GLMN: variants seen among roughly 807,000 people sequenced by gnomAD.
GLMN encodes the protein glomulin, FKBP associated protein, also known as glomulin.
A neutral mutation model predicts 87.8 loss-of-function variants in GLMN; 75 were observed. The ratio of observed to expected loss-of-function variants is 0.85; its 90% CI spans 0.71 to 1.04. The LOEUF is 1.04. Among genes scored for constraint, GLMN ranks in the 50% least tolerant of loss-of-function variants. The pLI is 0.00. For missense variants in GLMN, 588 were observed against 658.8 expected (o/e 0.89, Z 1.18); for synonymous variants, 206 against 221.6 (o/e 0.93, Z 0.63).
intron 16 of GLMN, among the ~76,000 whole-genome samples, chr1:92,251,040 C>T (rs139936374): frequency 6.6e-6 from 1 of 152,166 alleles, no homozygotes; most frequent in African/African-American, 2.4e-5. Context: ...GTAATTTTTG[C>T]CTTTTCCAGA....
At chr1:92,260,484 G>A (rs763301387) in intron 16 of GLMN, among the ~76,000 whole-genome samples, 12 of 151,926 alleles carry the variant, frequency 7.9e-5, no homozygotes, top group Non-Finnish European at 1.3e-4. Context: ...GTGTGGTGGT[G>A]CCTGGCTGTA....
the GLMN span, chr1:92,303,997 T>C: frequency 6.2e-7 from 1 of 1,610,968 alleles, no homozygotes. Flanking sequence ...TTACACCTGC[T>C]CACTACAGTG....
intron 16 of GLMN, among the ~76,000 whole-genome samples, chr1:92,258,385 C>T (rs1284128437): frequency 6.6e-6 from 1 of 152,172 alleles, no homozygotes; most frequent in African/African-American, 2.4e-5. Flanking sequence ...CCATTTGACC[C>T]AGCAATCCCA....
At chr1:92,340,963 AT>A in the GLMN span, among the ~76,000 whole-genome samples, 1 of 152,180 alleles carries the variant, frequency 6.6e-6, no homozygotes, top group African/African-American at 2.4e-5. Flanking sequence ...GAATCAAGGT[AT>A]TTCAATCTGT....
At chr1:92,315,481 C>T in the GLMN span, among the ~76,000 whole-genome samples, 1 of 152,072 alleles carries the variant, frequency 6.6e-6, no homozygotes, top group African/African-American at 2.4e-5. Flanking sequence ...GACACAGTTA[C>T]CACAAACATT....
At chr1:92,301,381 GGCAAAAT>G, upstream of GLMN, 1 of 482,678 alleles carries the variant, frequency 2.1e-6, no homozygotes, top group Non-Finnish European at 3.6e-6. Context: ...AAATTTAAGT[GGCAAAAT>G]AGTGAGTTAG....
intron 7 of GLMN, among the ~76,000 whole-genome samples, chr1:92,273,041 A>G (rs943459003): frequency 2.6e-5 from 4 of 152,246 alleles, no homozygotes; most frequent in Admixed American, 6.5e-5. Context: ...TGACAAAAAC[A>G]GCTAAAGCAG....
At chr1:92,250,869 C>T (rs574640200) in intron 16 of GLMN, among the ~76,000 whole-genome samples, 24 of 152,224 alleles carry the variant, frequency 1.6e-4, no homozygotes, top group African/African-American at 5.8e-4. Flanking sequence ...ATATAACCTT[C>T]TAGCTATACA....
At chr1:92,289,524 T>G (rs981204559) in intron 5 of GLMN, among the ~76,000 whole-genome samples, 2 of 152,148 alleles carry the variant, frequency 1.3e-5, no homozygotes, top group African/African-American at 4.8e-5. Context: ...CCTAGAAGAC[T>G]GAATATTACA....
At chr1:92,349,478 AT>A in the GLMN span, among the ~76,000 whole-genome samples, 1 of 152,218 alleles carries the variant, frequency 6.6e-6, no homozygotes, top group Non-Finnish European at 1.5e-5. Context: ...GGGGAAAAAA[AT>A]CAACATTTTG....
the GLMN span, among the ~76,000 whole-genome samples, chr1:92,321,615 C>G: frequency 1.3e-5 from 2 of 152,102 alleles, no homozygotes; most frequent in Admixed American, 1.3e-4. Flanking sequence ...CTACTGTTGC[C>G]TTCCCTTTTT....
chr1:92,309,580 TACATACACATACACATAC>T, the GLMN span, among the ~76,000 whole-genome samples: 9,294 of 147,928 alleles, frequency 0.063, 967 homozygotes, highest in African/African-American at 0.22. Flanking sequence ...CATATACATA[TACATACACATACACATAC>T]ACATACACAT....
At chr1:92,364,050 G>T in the GLMN span, among the ~76,000 whole-genome samples, 1 of 152,016 alleles carries the variant, frequency 6.6e-6, no homozygotes, top group African/African-American at 2.4e-5. Context: ...CATTGCTCAG[G>T]GGTCAACTGT....
chr1:92,266,868 A>C, intron 11 of GLMN, 127 bp from the exon 12 acceptor site: 1 of 658,164 alleles, frequency 1.5e-6, no homozygotes, highest in Non-Finnish European at 2.7e-6. Context: ...AAAGTGAAGT[A>C]AATTAATTTT....
intron 7 of GLMN, among the ~76,000 whole-genome samples, chr1:92,274,762 T>G (rs1465006422): frequency 2.0e-5 from 3 of 152,196 alleles, no homozygotes; most frequent in Non-Finnish European, 2.9e-5. Context: ...ATTTGATACT[T>G]TAAACTCCAA....
intron 8 of GLMN, among the ~76,000 whole-genome samples, 187 bp downstream of exon 8, chr1:92,271,278 C>G (rs2100927084): frequency 6.6e-6 from 1 of 152,252 alleles, no homozygotes; most frequent in South Asian, 2.1e-4. Flanking sequence ...CAACACTCCC[C>G]ACTTTCATTA....
chr1:92,330,792 T>G, the GLMN span, among the ~76,000 whole-genome samples: 1 of 152,114 alleles, frequency 6.6e-6, no homozygotes, highest in Non-Finnish European at 1.5e-5. Context: ...TTATGGAAAT[T>G]TTCAGAAACA....
chr1:92,352,198 A>G, the GLMN span, among the ~76,000 whole-genome samples: 1 of 152,224 alleles, frequency 6.6e-6, no homozygotes. Flanking sequence ...TCCTAGGCAG[A>G]GACCATACAA....
the GLMN span, among the ~76,000 whole-genome samples, chr1:92,367,703 TC>T: frequency 6.6e-6 from 1 of 152,296 alleles, no homozygotes; most frequent in South Asian, 2.1e-4. Flanking sequence ...GCCTTTCACT[TC>T]CTGTCCCTTC....
Sources: allele counts gnomAD v4.1 joint callset (sites outside exome capture counted in the v4.1 genomes callset), GRCh38; gene constraint gnomAD v4.1.1; transcripts MANE v1.5; gene names NCBI Gene and HGNC (gene_info 2026-07-23, HGNC 2026-07-21).